The following NACA variants were observed in gnomAD, a reference collection of about 807,000 sequenced individuals.
NACA encodes the protein nascent polypeptide-associated complex subunit alpha.
Under a neutral mutation model 86.4 loss-of-function variants are expected in NACA, and 42 were observed. The ratio of observed to expected loss-of-function variants is 0.49; its 90% CI spans 0.38 to 0.63. The LOEUF is 0.63. NACA is among the 20% of genes least tolerant of loss of function. The probability of loss-of-function intolerance (pLI) is 0.00; values close to 1 mark genes in which losing one functional copy is unlikely to be tolerated. For synonymous variants in NACA, 898 were observed against 973.7 expected, an observed-to-expected ratio of 0.92 and a Z score of 1.45; for missense variants, 2,157 against 2,483.6, an observed-to-expected ratio of 0.87 and a Z score of 2.80.
At position 56,718,587 on chromosome 12, in the gene NACA, G is replaced by A. The variant is rs1953470417; in HGVS notation, c.2943C>T (p.Ser981=). The change falls in exon 3 of 9, where the codon TCC becomes TCT. Residue 981 remains serine, a synonymous_variant. Coordinates refer to ENST00000454682, the MANE Select transcript of NACA (RefSeq NM_001365896.1). ...PSPKGGPATP[S]PKGAPTPPAA... is the part of the protein sequence containing the mutation. ...CTGGGGGTGTGGGGGCCCCTTTGGG[G>A]GATGGAGTAGCTGGACCTCCTTTTG... 12 of 1,317,720 alleles carry A rather than the reference G, an allele frequency of 9.1e-6. No homozygotes were observed. The East Asian group carries it at 3.4e-4, about 38-fold the overall frequency. 81.6% of individuals were successfully genotyped at this position (1,317,720 alleles called of 1,614,324 possible). A position where few individuals can be genotyped will look rare whatever the true frequency, so the allele number is the denominator to read the frequency against.
At chr12:56,722,083 G>A (rs1453838492) in intron 2 of NACA, among the ~76,000 whole-genome samples, 1 of 152,218 alleles carries the variant, frequency 6.6e-6, no homozygotes, top group Non-Finnish European at 1.5e-5. Context: ...TGGGAAGGAG[G>A]TGCACAGCAC....
chr12:56,716,864 G>T lies in NACA; in HGVS notation c.4666C>A (p.Pro1556Thr). Residue 1556 changes from proline (P) to threonine (T), a missense_variant, in exon 3 of 9, where the codon CCC becomes ACC. This residue lies in a region of NACA where 797 missense variants were observed against 777.6 expected (regional missense o/e 1.02). Coordinates refer to ENST00000454682, the MANE Select transcript of NACA (RefSeq NM_001365896.1). ...ATTGCTGGGGTCTTTTTAGGGGAGG[G>T]AACAGTCATAGCTGGGGGAATGAGG... is the stretch of plus-strand genomic sequence containing the variant. ...EALIPPAMTV[P>T]SPKKTPAIPT... 7.8e-7 allele frequency: 1 copy of T among 1,289,962 alleles called. No homozygotes were observed. Among genetic ancestry groups the T allele is most frequent in the Non-Finnish European group, 1.0e-6 (1 of 997,378 alleles). 79.9% of individuals were successfully genotyped at this position (1,289,962 alleles called of 1,614,324 possible).
rs372164873 is a variant in NACA at position 56,713,043 on chromosome 12, G to A, written c.6099+19C>T. The A allele has an allele frequency of 1.9e-6, 3 of 1,613,600 alleles. No individual in the cohort carries two copies. Among genetic ancestry groups the A allele is most frequent in the African/African-American group, 2.7e-5 (2 of 74,926 alleles). On this transcript the variant is annotated intron_variant, in intron 7 of 8. Transcript: ENST00000454682. Reference sequence around the variant, plus strand: ...TGCTATACGGCGAGAGTTAAATTATGAAAGATTTCCTAGTATACCTCTTCC... The same window carrying A: ...TGCTATACGGCGAGAGTTAAATTATAAAAGATTTCCTAGTATACCTCTTCC...
At chr12:56,712,708 T>A in intron 8 of NACA, 78 bp downstream of exon 8, 2 of 1,607,762 alleles carry the variant, frequency 1.2e-6, no homozygotes, top group South Asian at 2.2e-5. Flanking sequence ...AATTGGCTGA[T>A]ATTTAGCAAG....
rs1471964995 is a variant in NACA at position 56,718,844 on chromosome 12, G to C, written c.2686C>G (p.Pro896Ala). ...GCTGGAGTAGCTGGACCCTCTTTGG[G>C]GAAGGGCAGATTCACCACTGAAGGA... is the stretch of plus-strand genomic sequence containing the variant. ...PTPSVVNLPF[P>A]KEGPATPAPK... Residue 896 changes from proline (P) to alanine (A), a missense_variant, in exon 3 of 9, where the codon CCC becomes GCC. Coordinates refer to ENST00000454682, the MANE Select transcript of NACA (RefSeq NM_001365896.1). The C allele has an allele frequency of 7.0e-7, 1 of 1,435,630 alleles. No individual in the cohort carries two copies. Among genetic ancestry groups the C allele is most frequent in the Non-Finnish European group, 9.4e-7 (1 of 1,066,624 alleles). The allele number at this position is 1,435,630 out of a possible 1,614,324, so 88.9% of individuals were successfully genotyped here.
Position 56,717,459 on chromosome 12 carries a change from T to G in NACA, c.4071A>C (p.Lys1357Asn). 1 of 1,376,486 alleles carries G rather than the reference T, an allele frequency of 7.3e-7. No individual in the cohort carries two copies. The highest frequency in any genetic ancestry group is 1.2e-5 in the South Asian group (1 of 80,610). 85.3% of individuals were successfully genotyped at this position (1,376,486 alleles called of 1,614,324 possible). ...TGGAGGATGGAGTAGTTGGGCCTCC[T>G]TTAGAGGAGGGAGTTGTAGCTGGGA... ...PTLPATTPSS[K>N]GGPTTPSSKE... Residue 1357 changes from lysine to asparagine, a missense_variant, in exon 3 of 9, where the codon AAA (lysine) becomes AAC (asparagine). Coordinates refer to ENST00000454682, the MANE Select transcript of NACA (RefSeq NM_001365896.1).
chr12:56,717,553 G>A lies in NACA; in HGVS notation c.3977C>T (p.Thr1326Ile), dbSNP rs766255043. ...AGTGGGGGCCCCTTTGGGGGGTGGG[G>A]TACCTGGGCTTCCTTTTGGGGAGGG... ...TPPSPKGSPGTPPPKGAPTPP... is the reference protein window; with the variant it reads ...TPPSPKGSPGIPPPKGAPTPP... The change falls in exon 3 of 9, where the codon ACC becomes ATC. Residue 1326 changes from threonine (T) to isoleucine (I), a missense_variant. Coordinates refer to ENST00000454682, the MANE Select transcript of NACA (RefSeq NM_001365896.1). 2 of 1,292,170 alleles carry A rather than the reference G, an allele frequency of 1.5e-6. No homozygotes were observed. The highest frequency in any genetic ancestry group is 2.0e-6 in the Non-Finnish European group (2 of 998,210). 80.0% of individuals were successfully genotyped at this position (1,292,170 alleles called of 1,614,324 possible).
chr12:56,725,185 C>G (rs936251745), intron 1 of NACA, 78 bp downstream of exon 1: 1 of 152,492 alleles, frequency 6.6e-6, no homozygotes, highest in African/African-American at 2.4e-5. Flanking sequence ...CTCCTTAACT[C>G]TCAGTCCCCG....
In NACA at chr12:56,724,712, C is replaced by G. The variant is rs909885107; in HGVS notation, c.-2-189G>C. 8.5e-6 allele frequency: 5 copies of G among 590,654 alleles called. No individual in the cohort carries two copies. In the Admixed American group the frequency reaches 1.6e-4, roughly 19 times the overall value. The allele number at this position is 590,654 out of a possible 1,614,324, so 36.6% of individuals were successfully genotyped here. On this transcript the variant is annotated intron_variant, in intron 1 of 8. Coordinates refer to ENST00000454682, the MANE Select transcript of NACA (RefSeq NM_001365896.1). ...TATGATGTGACCCTCACGCCTCTATCAAGGCCAGCAATTCCCACTGCATTC... is the reference window on the plus strand; with the variant it reads ...TATGATGTGACCCTCACGCCTCTATGAAGGCCAGCAATTCCCACTGCATTC...
rs769218250 is a variant in NACA, at chr12:56,716,563, G to A, written c.4967C>T (p.Ser1656Phe). ...AGTGGCCCCCATTTTACATGTGACA[G>A]AAGCTGGGGAAGTAGGGGAGTCTTT... ...SLKDSPTSPASVTCKMGATVP... is the reference protein window; with the variant it reads ...SLKDSPTSPAFVTCKMGATVP... The change falls in exon 3 of 9, where the codon TCT becomes TTT. Residue 1656 changes from serine to phenylalanine, a missense_variant. By Grantham distance (155) the Ser-to-Phe change is radical. Transcript: ENST00000454682. 9.6e-6 allele frequency: 14 copies of A among 1,460,218 alleles called. No homozygotes were observed. Among genetic ancestry groups the A allele is most frequent in the Non-Finnish European group, 1.3e-5 (14 of 1,080,402 alleles). The allele number at this position is 1,460,218 out of a possible 1,614,324, so 90.5% of individuals were successfully genotyped here.
At chr12:56,714,545 T>A in intron 4 of NACA, 57 bp downstream of exon 4, 1 of 1,606,312 alleles carries the variant, frequency 6.2e-7, no homozygotes, top group South Asian at 1.1e-5. Context: ...AATACAAAAG[T>A]TGCCCTGATC....
At position 56,719,319 on chromosome 12, in the gene NACA, G is replaced by T; in HGVS notation, c.2211C>A (p.Pro737=). The T allele has an allele frequency of 6.2e-7, 1 of 1,604,556 alleles. No individual in the cohort carries two copies. Residue 737 remains proline (P), a synonymous_variant, in exon 3 of 9, where the codon CCC becomes CCA. Transcript: ENST00000454682. Reference sequence around the variant, plus strand: ...GAGGAGTCCCAGCTGGGGGAAGAGAGGGTGAGGGCACAGACTTTGGGATTT... The same window carrying T: ...GAGGAGTCCCAGCTGGGGGAAGAGATGGTGAGGGCACAGACTTTGGGATTT... ...APEIPKSVPS[P]SLPPAGTPPG...
At chr12:56,722,593 C>T (rs1433022065) in intron 2 of NACA, among the ~76,000 whole-genome samples, 1 of 152,138 alleles carries the variant, frequency 6.6e-6, no homozygotes, top group Non-Finnish European at 1.5e-5. Context: ...GAGGCAGAGG[C>T]AGGAGAATGG....
chr12:56,720,851 C>T lies in NACA; in HGVS notation c.679G>A (p.Val227Met). 1 of 1,613,978 alleles carries T rather than the reference C, an allele frequency of 6.2e-7. No homozygotes were observed. Among genetic ancestry groups the T allele is most frequent in the African/African-American group, 1.3e-5 (1 of 75,024 alleles). The change falls in exon 3 of 9, where the codon GTG becomes ATG. Residue 227 changes from valine to methionine, a missense_variant. Physicochemically the swap from Val to Met is conservative, Grantham distance 21. This residue lies in a region of NACA where 947 missense variants were observed against 917.9 expected (regional missense o/e 1.03). Transcript: ENST00000454682. ...GGTGTTGTCTGAGGAAGGGAGGCCACTCCAGATTGAATAGAGGCCATGGGA... is the reference window on the plus strand; with the variant it reads ...GGTGTTGTCTGAGGAAGGGAGGCCATTCCAGATTGAATAGAGGCCATGGGA... Reference protein sequence around the residue: ...VTPMASIQSGVASLPQTTPTT... With the variant: ...VTPMASIQSGMASLPQTTPTT...
chr12:56,718,393 C>G lies in NACA; in HGVS notation c.3137G>C (p.Ser1046Thr). The change falls in exon 3 of 9, where the codon AGT becomes ACT. Residue 1046 changes from serine (S) to threonine (T), a missense_variant. Around this residue, in one of 8 missense-constraint regions of NACA, gnomAD observed 124 missense variants for 186.5 expected, o/e 0.66. Transcript: ENST00000454682. ...PAATPPSPKG[S>T]PAATPLPKGA... ...TTTGGGGAGTGGGGTAGCTGCTGGACTTCCTTTGGGGGAGGGAGGAGTTGC... is the reference window on the plus strand; with the variant it reads ...TTTGGGGAGTGGGGTAGCTGCTGGAGTTCCTTTGGGGGAGGGAGGAGTTGC... The G allele has an allele frequency of 8.3e-7, 1 of 1,204,104 alleles. No individual in the cohort carries two copies. Among genetic ancestry groups the G allele is most frequent in the Non-Finnish European group, 1.0e-6 (1 of 954,668 alleles). 74.6% of individuals were successfully genotyped at this position (1,204,104 alleles called of 1,614,324 possible). A position where few individuals can be genotyped will look rare whatever the true frequency, so the allele number is the denominator to read the frequency against.
chr12:56,721,019 A>C lies in NACA; in HGVS notation c.511T>G (p.Ser171Ala), dbSNP rs1476092548. ...ATGGGAGCTGACAGAGTTATCACTG[A>C]CCCTGACTCAGCTACAGCCACTGAA... ...PPSVAVAESG[S>A]VITLSAPIAP... The change falls in exon 3 of 9, where the codon TCA (serine) becomes GCA (alanine). Residue 171 changes from serine to alanine, a missense_variant. Ser to Ala is a moderately conservative substitution (Grantham distance 99, BLOSUM62 1). This residue lies in a region of NACA where 947 missense variants were observed against 917.9 expected (regional missense o/e 1.03). Coordinates refer to ENST00000454682, the MANE Select transcript of NACA (RefSeq NM_001365896.1). 6 of 1,613,956 alleles carry C rather than the reference A, an allele frequency of 3.7e-6. No individual in the cohort carries two copies. Among genetic ancestry groups the C allele is most frequent in the Non-Finnish European group, 5.1e-6 (6 of 1,179,878 alleles).
In NACA at chr12:56,721,198, A is replaced by T. The variant is rs1363878320; in HGVS notation, c.332T>A (p.Ile111Asn). 2 of 1,613,784 alleles carry T rather than the reference A, an allele frequency of 1.2e-6. No individual in the cohort carries two copies. The highest frequency in any genetic ancestry group is 1.7e-6 in the Non-Finnish European group (2 of 1,179,830). Reference protein sequence around the residue: ...TFLPNLIGPPISPAALALASP... With the variant: ...TFLPNLIGPPNSPAALALASP... ...GGCTAGAGCTAAGGCAGCTGGGGAGATGGGAGGCCCTATTAGGTTTGGTAG... is the reference window on the plus strand; with the variant it reads ...GGCTAGAGCTAAGGCAGCTGGGGAGTTGGGAGGCCCTATTAGGTTTGGTAG... Residue 111 changes from isoleucine to asparagine, a missense_variant, in exon 3 of 9, where the codon ATC (isoleucine) becomes AAC (asparagine). Ile to Asn is a moderately radical substitution (Grantham distance 149). This residue lies in a region of NACA where 947 missense variants were observed against 917.9 expected (regional missense o/e 1.03). Coordinates refer to ENST00000454682, the MANE Select transcript of NACA (RefSeq NM_001365896.1).
chr12:56,721,098 G>C lies in NACA; in HGVS notation c.432C>G (p.Pro144=). The part of the protein sequence containing the change: ...SAPLALVALA[P]HSVQKSSAFP... ...AAGCAGAACTCTTCTGAACTGAGTGGGGAGCCAGGGCAACCAGAGCTAAGG... is the reference window on the plus strand; with the variant it reads ...AAGCAGAACTCTTCTGAACTGAGTGCGGAGCCAGGGCAACCAGAGCTAAGG... The change falls in exon 3 of 9, where the codon CCC becomes CCG. Residue 144 remains proline, a synonymous_variant. Transcript: ENST00000454682. The C allele has an allele frequency of 6.2e-7, 1 of 1,613,850 alleles. No homozygotes were observed. The highest frequency in any genetic ancestry group is 8.5e-7 in the Non-Finnish European group (1 of 1,179,842).
chr12:56,719,960 C>T lies in NACA; in HGVS notation c.1570G>A (p.Val524Ile), dbSNP rs1338821776. Residue 524 changes from valine (V) to isoleucine (I), a missense_variant, in exon 3 of 9, where the codon GTT (valine) becomes ATT (isoleucine). This residue lies in a region of NACA where 947 missense variants were observed against 917.9 expected (regional missense o/e 1.03). Transcript: ENST00000454682. Reference protein sequence around the residue: ...DLKNLPSSVLVKFPTQKDLQT... With the variant: ...DLKNLPSSVLIKFPTQKDLQT... Reference sequence around the variant, plus strand: ...AGGTCTTTTTGTGTTGGAAATTTAACCAATACTGAACTGGGGAGATTTTTG... The same window carrying T: ...AGGTCTTTTTGTGTTGGAAATTTAATCAATACTGAACTGGGGAGATTTTTG... The T allele has an allele frequency of 1.2e-6, 2 of 1,613,664 alleles. No homozygotes were observed. The highest frequency in any genetic ancestry group is 2.7e-5 in the African/African-American group (2 of 74,928).
Sources: gnomAD v4.1 joint callset for allele counts (sites outside exome capture counted in the v4.1 genomes callset) on GRCh38, gnomAD v4.1.1 for gene constraint, gnomAD v4.1.1 regional missense constraint, MANE v1.5 for transcripts, NCBI Gene and HGNC (gene_info 2026-07-23, HGNC 2026-07-21) for gene names.